The following RDX variants were observed in gnomAD, a reference collection of about 807,000 sequenced individuals.
RDX encodes radixin.
In RDX, 32 loss-of-function variants were observed where a neutral mutation model predicts 83.7. The observed-to-expected ratio is 0.38, with a 90% CI of 0.29 to 0.51. The LOEUF (loss-of-function observed/expected upper bound fraction) is 0.51. Among genes scored for constraint, RDX ranks in the 20% least tolerant of loss-of-function variants. The pLI is 0.87. For synonymous variants in RDX, 229 were observed against 222.7 expected, an observed-to-expected ratio of 1.03 and a Z score of -0.25; for missense variants, 600 against 689.9, an observed-to-expected ratio of 0.87 and a Z score of 1.46.
chr11:110,253,976 C>T lies in RDX; in HGVS notation c.929G>A (p.Arg310Lys). ...CAACTGCTTCTGATGTTTCTCCTCCCTAGCCTGAGCCTTCATCTGTTGTAC... is the reference window on the plus strand; with the variant it reads ...CAACTGCTTCTGATGTTTCTCCTCCTTAGCCTGAGCCTTCATCTGTTGTAC... ...IEVQQMKAQAREEKHQKQLER... is the reference protein window; with the variant it reads ...IEVQQMKAQAKEEKHQKQLER... The change falls in exon 9 of 14, where the codon AGG becomes AAG. Residue 310 changes from arginine to lysine, a missense_variant. Arg to Lys is a conservative substitution (Grantham distance 26). Transcript: ENST00000645495. 6.2e-7 allele frequency: 1 copy of T among 1,613,742 alleles called. No homozygotes were observed. Among genetic ancestry groups the T allele is most frequent in the Non-Finnish European group, 8.5e-7 (1 of 1,179,824 alleles).
At chr11:110,272,155 T>G (rs527482828) in intron 3 of RDX, among the ~76,000 whole-genome samples, 137 of 152,334 alleles carry the variant, frequency 9.0e-4, no homozygotes, top group African/African-American at 3.1e-3. Context: ...GCATTTTGGA[T>G]AAGAGATGCT....
At chr11:110,223,308 G>A (rs1340357053) in intron 14 of RDX, among the ~76,000 whole-genome samples, 1 of 152,004 alleles carries the variant, frequency 6.6e-6, no homozygotes, top group Non-Finnish European at 1.5e-5. Flanking sequence ...AGCGGAGATT[G>A]CGCCACTGCA....
chr11:110,209,379 G>A (rs1490938525), intron 14 of RDX, among the ~76,000 whole-genome samples: 1 of 151,602 alleles, frequency 6.6e-6, no homozygotes, highest in Non-Finnish European at 1.5e-5. Flanking sequence ...AGCAGTCTGA[G>A]ATCAAACTGC....
At chr11:110,206,960 C>T (rs561302946) in intron 14 of RDX, among the ~76,000 whole-genome samples, 399 of 141,146 alleles carry the variant, frequency 2.8e-3, no homozygotes, top group African/African-American at 9.7e-3. Flanking sequence ...CTTTAAAACA[C>T]GCAATTATTT....
At chr11:110,225,518 A>G (rs1864402807), downstream of RDX, among the ~76,000 whole-genome samples, 1 of 152,250 alleles carries the variant, frequency 6.6e-6, no homozygotes, top group Admixed American at 6.5e-5. Flanking sequence ...AACTTCTTTT[A>G]TGATTTGAGA....
In RDX at chr11:110,208,821, T is replaced by C. The variant is rs1177963131; in HGVS notation, c.1749-9143A>G. ...AAATACAAAAATTACCTGGGGGTAG[T>C]GGCGGCCACCTGTAATCACAGCTAC... On this transcript the variant is annotated intron_variant, in intron 14 of 15. Transcript: ENST00000528498. Among the ~76,000 whole-genome samples the C allele has an allele frequency of 4.6e-5, 7 of 152,186 alleles. 1 individual carries two copies. The highest frequency in any genetic ancestry group is 4.1e-4 in the South Asian group (2 of 4,826).
rs187294992 is a variant in RDX at position 110,295,435 on chromosome 11, G to C, written c.-65+1032C>G. ...TTATATTTACATCCTGCCAGTCTTA[G>C]TGCCACAAGAATGCCATCGAGTTCC... On this transcript the variant is annotated intron_variant, in intron 1 of 13. Transcript: ENST00000645495. Among the ~76,000 whole-genome samples the C allele has an allele frequency of 1.0e-3, 154 of 151,610 alleles. 3 individuals are homozygous for C. In the South Asian group the frequency reaches 0.014, roughly 14 times the overall value.
intron 10 of RDX, among the ~76,000 whole-genome samples, chr11:110,243,160 G>C (rs1163668186): frequency 2.6e-5 from 4 of 151,926 alleles, no homozygotes; most frequent in Non-Finnish European, 5.9e-5. Context: ...TTCAGATTTT[G>C]GAATTTTGAA....
chr11:110,272,956 G>A, intron 2 of RDX: 3 of 459,866 alleles, frequency 6.5e-6, no homozygotes, highest in South Asian at 1.5e-5. Context: ...GCTGGACATG[G>A]TGCCTCACAT....
rs982328571 is a variant in RDX, at chr11:110,254,186, C to A, written c.796-77G>T. 8.2e-6 allele frequency: 10 copies of A among 1,224,946 alleles called. No individual in the cohort carries two copies. In the African/African-American group the frequency reaches 1.2e-4, roughly 15 times the overall value. 75.9% of individuals were successfully genotyped at this position (1,224,946 alleles called of 1,614,324 possible). A position where few individuals can be genotyped will look rare whatever the true frequency, so the allele number is the denominator to read the frequency against. On this transcript the variant is annotated intron_variant, in intron 8 of 13. Transcript: ENST00000645495. The stretch of plus-strand genomic sequence containing the variant: ...CATAACAATCTGTACTAAATTTTAA[C>A]ATGAGGTATGAATTTTAATGTCATA...
In RDX at chr11:110,230,351, G is replaced by A. The variant is rs796073834; in HGVS notation, c.*1518C>T. The A allele has an allele frequency of 5.9e-5, 9 of 152,066 alleles. No homozygotes were observed. Among genetic ancestry groups the A allele is most frequent in the African/African-American group, 2.2e-4 (9 of 41,498 alleles). The allele number at this position is 152,066 out of a possible 1,614,324, so 9.4% of individuals were successfully genotyped here. On this transcript the variant is annotated 3_prime_UTR_variant, in exon 14 of 14. Coordinates refer to ENST00000645495, the MANE Select transcript of RDX (RefSeq NM_002906.4). ...GAATATTAGAACCTCCTTCTAACTG[G>A]AAAGATTTCTTCAGTAAGCTATAAC...
downstream of RDX, among the ~76,000 whole-genome samples, chr11:110,227,379 G>GT (rs1186045959): frequency 6.6e-6 from 1 of 151,966 alleles, no homozygotes; most frequent in Non-Finnish European, 1.5e-5. Context: ...ACTAAAACCA[G>GT]TATCACTATT....
At chr11:110,263,458 G>C (rs1397864607) in intron 5 of RDX, 2 of 152,564 alleles carry the variant, frequency 1.3e-5, no homozygotes, top group African/African-American at 4.8e-5. Flanking sequence ...GGAAAGAAGA[G>C]ATAGATCAAC....
chr11:110,264,096 A>C lies in RDX; in HGVS notation c.331T>G (p.Leu111Val). The C allele has an allele frequency of 6.2e-7, 1 of 1,614,024 alleles. No homozygotes were observed. The highest frequency in any genetic ancestry group is 8.5e-7 in the Non-Finnish European group (1 of 1,179,928). Residue 111 changes from leucine to valine, a missense_variant, in exon 5 of 14, where the codon TTA (leucine) becomes GTA (valine). Coordinates refer to ENST00000645495, the MANE Select transcript of RDX (RefSeq NM_002906.4). ...LFFLQVKEAI[L>V]NDEIYCPPET... ...GGCGGGCAATATATCTCATCATTTAAGATGGCTTCTTTAACTTGCAAGAAG... is the reference window on the plus strand; with the variant it reads ...GGCGGGCAATATATCTCATCATTTACGATGGCTTCTTTAACTTGCAAGAAG...
At position 110,264,881 on chromosome 11, in the gene RDX, CACA is replaced by C. The variant is rs532650829; in HGVS notation, c.97-10_97-8del. 5.1e-4 allele frequency: 827 copies of C among 1,611,124 alleles called. 11 individuals are homozygous for C. In the Middle Eastern group the frequency reaches 5.6e-3, roughly 11 times the overall value. On this transcript the variant is annotated splice_polypyrimidine_tract_variant and splice_region_variant and intron_variant, in intron 3 of 13. Coordinates refer to ENST00000645495, the MANE Select transcript of RDX (RefSeq NM_002906.4). The stretch of plus-strand genomic sequence containing the variant: ...AACCAACTGTTTTCACCACCTAAAA[CACA>C]ACAACAACAAAAAAACACAATTTCA...
At chr11:110,241,145 A>T (rs1175973793) in intron 10 of RDX, among the ~76,000 whole-genome samples, 3 of 152,022 alleles carry the variant, frequency 2.0e-5, no homozygotes, top group Non-Finnish European at 4.4e-5. Flanking sequence ...AAAAATAAAT[A>T]ATATAAAAAT....
chr11:110,258,010 T>C, intron 6 of RDX, 96 bp downstream of exon 6: 4 of 1,478,812 alleles, frequency 2.7e-6, no homozygotes, highest in East Asian at 2.3e-5. Flanking sequence ...TTTACATAAG[T>C]CAAACAATCT....
intron 15 of RDX, among the ~76,000 whole-genome samples, chr11:110,191,381 C>A (rs532336137): frequency 1.3e-5 from 2 of 152,186 alleles, no homozygotes; most frequent in Non-Finnish European, 2.9e-5. Flanking sequence ...AATATCCCTT[C>A]GGGATAAAAA....
At chr11:110,260,958 T>G (rs898236409) in intron 5 of RDX, among the ~76,000 whole-genome samples, 1 of 152,212 alleles carries the variant, frequency 6.6e-6, no homozygotes, top group Non-Finnish European at 1.5e-5. Flanking sequence ...CTGTGGTTGG[T>G]TGACTCTGTG....
Sources: allele counts gnomAD v4.1 joint callset (sites outside exome capture counted in the v4.1 genomes callset), GRCh38; gene constraint gnomAD v4.1.1; transcripts MANE v1.5; gene names NCBI Gene and HGNC (gene_info 2026-07-23, HGNC 2026-07-21).